The following ZNF273 variants were observed in gnomAD, a reference collection of about 807,000 sequenced individuals.
The protein encoded by ZNF273 is zinc finger protein 9.
ZNF273 carries 11 observed loss-of-function variants against 14.9 expected under a neutral mutation model. The ratio of observed to expected loss-of-function variants is 0.74; its 90% CI spans 0.46 to 1.22. The LOEUF is 1.22. Ranked by LOEUF, ZNF273 falls within the 50% of genes most tolerant of loss-of-function variation. The pLI is 0.00. For synonymous variants in ZNF273, 199 were observed against 223.9 expected (o/e 0.89, Z 0.99); for missense variants, 577 against 660.6 (o/e 0.87, Z 1.39).
chr7:64,895,812 G>C (rs1792332159), intron 3 of ZNF273, among the ~76,000 whole-genome samples: 1 of 152,110 alleles, frequency 6.6e-6, no homozygotes, highest in South Asian at 2.1e-4. Context: ...TGAGAAAACA[G>C]AGTCTGCTAT....
intron 2 of ZNF273, 105 bp from the exon 3 acceptor site, chr7:64,918,091 AT>A: frequency 1.9e-6 from 2 of 1,038,814 alleles, no homozygotes; most frequent in Non-Finnish European, 2.6e-6. Context: ...ATATTTTGGG[AT>A]TAATTTACTA....
At chr7:64,898,985 A>G (rs148060291), upstream of ZNF273, among the ~76,000 whole-genome samples, 2 of 152,396 alleles carry the variant, frequency 1.3e-5, no homozygotes, top group Non-Finnish European at 2.9e-5. Context: ...TTGAGAGACT[A>G]GATTTGCAAT....
chr7:64,916,559 A>AC (rs1404634290), intron 1 of ZNF273, among the ~76,000 whole-genome samples: 1,519 of 150,122 alleles, frequency 0.01, 29 homozygotes, highest in African/African-American at 0.035. Flanking sequence ...AAAAAAAAAA[A>AC]AAAAAACCAT....
At chr7:64,892,204 A>G (rs1792076157), downstream of ZNF273, among the ~76,000 whole-genome samples, 1 of 152,226 alleles carries the variant, frequency 6.6e-6, no homozygotes, top group Admixed American at 6.5e-5. Context: ...AGACAAAAAA[A>G]ACAGTATTCA....
downstream of ZNF273, among the ~76,000 whole-genome samples, chr7:64,894,164 C>T (rs1169154727): frequency 1.3e-5 from 2 of 152,096 alleles, no homozygotes; most frequent in Admixed American, 1.3e-4. Flanking sequence ...GCCACTACAC[C>T]TGGCTACTTT....
chr7:64,905,413 G>C (rs1206102520), intron 1 of ZNF273, among the ~76,000 whole-genome samples: 1 of 140,010 alleles, frequency 7.1e-6, no homozygotes, highest in Non-Finnish European at 1.5e-5. Flanking sequence ...ACCCCACGCT[G>C]GCCACACTTT....
In ZNF273 at chr7:64,916,781, AACATGTAACCTATGTTACATGTTCTGC is replaced by A. The variant is rs559569958; in HGVS notation, c.103-789_103-763del. The stretch of plus-strand genomic sequence containing the variant: ...TTCACTTGGTATACCTATGTAACAG[AACATGTAACCTATGTTACATGTTCTGC>A]ACATGTAACCCAGAACTTAAAGTAT... On this transcript the variant is annotated intron_variant, in intron 1 of 3. Coordinates refer to ENST00000476120, the MANE Select transcript of ZNF273 (RefSeq NM_021148.3). Among the ~76,000 whole-genome samples the A allele has an allele frequency of 2.4e-3, 367 of 152,256 alleles. 4 individuals carry two copies. The highest frequency in any genetic ancestry group is 8.2e-3 in the African/African-American group (339 of 41,562).
intron 1 of ZNF273, among the ~76,000 whole-genome samples, chr7:64,903,741 T>G (rs923641410): frequency 1.3e-5 from 2 of 152,202 alleles, no homozygotes; most frequent in South Asian, 2.1e-4. Context: ...AGGAAGAGCT[T>G]TGGTCCATGG....
At chr7:64,878,089 G>A (rs565663101) in intron 1 of ZNF273, among the ~76,000 whole-genome samples, 3 of 152,266 alleles carry the variant, frequency 2.0e-5, no homozygotes, top group South Asian at 2.1e-4. Flanking sequence ...TGTGGCTCAC[G>A]TGGCTCACGC....
At chr7:64,884,269 CT>C (rs981603076), downstream of ZNF273, among the ~76,000 whole-genome samples, 1 of 152,106 alleles carries the variant, frequency 6.6e-6, no homozygotes, top group Non-Finnish European at 1.5e-5. Context: ...ATTTTTTGCA[CT>C]TTACAGGAGT....
upstream of ZNF273, among the ~76,000 whole-genome samples, chr7:64,902,216 TAA>T (rs1792764219): frequency 6.6e-6 from 1 of 151,632 alleles, no homozygotes; most frequent in Non-Finnish European, 1.5e-5. Flanking sequence ...CTTTTTTTTT[TAA>T]GTTTGGCTAC....
At chr7:64,897,486 C>T (rs976032590) in exon 4 of ZNF273, 8 of 151,736 alleles carry the variant, frequency 5.3e-5, no homozygotes, top group African/African-American at 1.9e-4. Context: ...GCCACCACAC[C>T]CAGCTAATTT....
At chr7:64,923,462 CT>C (rs1794612155) in intron 3 of ZNF273, 1 of 434,894 alleles carries the variant, frequency 2.3e-6, no homozygotes, top group Non-Finnish European at 4.5e-6. Flanking sequence ...CTGCCTCAGC[CT>C]CCCGAGTAGC....
intron 1 of ZNF273, among the ~76,000 whole-genome samples, chr7:64,907,835 T>G (rs1427344327): frequency 6.6e-6 from 1 of 152,122 alleles, no homozygotes; most frequent in African/African-American, 2.4e-5. Context: ...CCATGTCTCC[T>G]CCCAGGGTGA....
upstream of ZNF273, among the ~76,000 whole-genome samples, chr7:64,900,296 T>G (rs955959127): frequency 5.3e-5 from 8 of 152,090 alleles, no homozygotes; most frequent in African/African-American, 1.9e-4. Flanking sequence ...CGGGCAATTT[T>G]TGTACTTTTA....
chr7:64,888,635 G>A lies in ZNF273; in HGVS notation n.336G>A, dbSNP rs200890115. 945 of 985,626 alleles carry A rather than the reference G, an allele frequency of 9.6e-4. 22 individuals carry two copies. In the South Asian group the frequency reaches 0.04, roughly 41 times the overall value. The allele number at this position is 985,626 out of a possible 1,614,324, so 61.1% of individuals were successfully genotyped here. On this transcript the variant is annotated non_coding_transcript_exon_variant, in exon 2 of 2. Coordinates refer to the ZNF273 transcript ENST00000471926. ...CACCCAGCAGGAGCGGGGCGGCCTG[G>A]ATCTGTTTTCTGCCCCTGACCAGGG...
chr7:64,927,180 C>T (rs972093779), intron 3 of ZNF273, among the ~76,000 whole-genome samples: 1 of 152,184 alleles, frequency 6.6e-6, no homozygotes, highest in African/African-American at 2.4e-5. Context: ...GCAGCCTCTA[C>T]CTTGTGGGTT....
At chr7:64,882,284 A>C (rs1442261190), downstream of ZNF273, among the ~76,000 whole-genome samples, 1 of 151,862 alleles carries the variant, frequency 6.6e-6, no homozygotes, top group Non-Finnish European at 1.5e-5. Context: ...TTCAGCGCCC[A>C]CCTCACGGTC....
chr7:64,928,414 T>C lies in ZNF273; in HGVS notation c.1086T>C (p.Thr362=), dbSNP rs202010089. 1.6e-4 allele frequency: 251 copies of C among 1,613,748 alleles called. 1 individual carries two copies. The highest frequency in any genetic ancestry group is 9.9e-4 in the Middle Eastern group (6 of 6,058). The change falls in exon 4 of 4, where the codon ACT becomes ACC. Residue 362 remains threonine, a synonymous_variant. Coordinates refer to ENST00000476120, the MANE Select transcript of ZNF273 (RefSeq NM_021148.3). ...CCTTTAACTGGTCCTCAACTCTTAC[T>C]AAACATAAGAGAATTCATACTGGAG... is the stretch of plus-strand genomic sequence containing the variant. ...GKAFNWSSTL[T]KHKRIHTGEK...
Sources: gnomAD v4.1 joint callset for allele counts (sites outside exome capture counted in the v4.1 genomes callset) on GRCh38, gnomAD v4.1.1 for gene constraint, MANE v1.5 for transcripts, NCBI Gene and HGNC (gene_info 2026-07-23, HGNC 2026-07-21) for gene names.